AUTS2: variants seen among roughly 807,000 people sequenced by gnomAD.
The protein encoded by AUTS2 is autism susceptibility gene 2 protein.
Under a neutral mutation model 112.4 loss-of-function variants are expected in AUTS2, and 17 were observed. That is an observed-to-expected ratio of 0.15 (90% confidence interval 0.10 to 0.23). The LOEUF (loss-of-function observed/expected upper bound fraction) is 0.23. Among genes scored for constraint, AUTS2 ranks in the 10% least tolerant of loss-of-function variants. The pLI, the probability that AUTS2 is intolerant of heterozygous loss-of-function variation, is 1.00. For missense variants in AUTS2, 1,510 were observed against 1,701.6 expected (o/e 0.89, Z 1.98); for synonymous variants, 751 against 702.7 (o/e 1.07, Z -1.09).
At chr7:70,468,575 G>A (rs544420017) in intron 5 of AUTS2, among the ~76,000 whole-genome samples, 4 of 152,318 alleles carry the variant, frequency 2.6e-5, no homozygotes, top group African/African-American at 9.6e-5. Flanking sequence ...GGAGAAAGGT[G>A]GGACATCAGG....
intron 1 of AUTS2, among the ~76,000 whole-genome samples, chr7:69,874,470 G>T (rs1793639042): frequency 6.6e-6 from 1 of 152,160 alleles, no homozygotes. Flanking sequence ...GCACTTTGGA[G>T]ATGTCACAAT....
At chr7:70,442,551 C>T (rs930899005) in intron 5 of AUTS2, among the ~76,000 whole-genome samples, 4 of 152,104 alleles carry the variant, frequency 2.6e-5, no homozygotes, top group Non-Finnish European at 5.9e-5. Flanking sequence ...AGTGCAGTGG[C>T]GCAGTCTCGG....
At chr7:70,558,322 A>G (rs1801335659) in intron 5 of AUTS2, among the ~76,000 whole-genome samples, 2 of 152,152 alleles carry the variant, frequency 1.3e-5, no homozygotes, top group East Asian at 1.9e-4. Flanking sequence ...TGTTGTGGCA[A>G]GAAAAGACCA....
chr7:70,528,286 A>T lies in AUTS2; in HGVS notation c.690+92505A>T, dbSNP rs186446373. Among the ~76,000 whole-genome samples the T allele has an allele frequency of 7.6e-3, 1,147 of 151,806 alleles. 9 individuals carry two copies. Among genetic ancestry groups the T allele is most frequent in the African/African-American group, 0.025 (1,035 of 41,464 alleles). ...TCTGAAGAGAGAGAGAAATAAAAAAAAATAATAAAAAAAAAACCCAGGTAA... is the reference window on the plus strand; with the variant it reads ...TCTGAAGAGAGAGAGAAATAAAAAATAATAATAAAAAAAAAACCCAGGTAA... On this transcript the variant is annotated intron_variant, in intron 5 of 18. Transcript: ENST00000342771.
chr7:70,092,450 GTCCTGC>G (rs1162492854), intron 2 of AUTS2, among the ~76,000 whole-genome samples: 1 of 152,112 alleles, frequency 6.6e-6, no homozygotes, highest in Non-Finnish European at 1.5e-5. Flanking sequence ...TATACTGGAA[GTCCTGC>G]CAATACACTG....
intron 2 of AUTS2, among the ~76,000 whole-genome samples, chr7:69,912,613 G>A (rs145550466): frequency 4.1e-4 from 63 of 152,324 alleles, no homozygotes; most frequent in African/African-American, 1.3e-3. Flanking sequence ...TTTAAAAACC[G>A]TTTTCATGGT....
chr7:69,636,052 G>C (rs1057220791), intron 1 of AUTS2, among the ~76,000 whole-genome samples: 5 of 152,180 alleles, frequency 3.3e-5, no homozygotes, highest in Admixed American at 1.3e-4. Flanking sequence ...GAACACAAGG[G>C]CTCTCCCTTG....
Position 70,191,169 on chromosome 7 carries a change from T to C in AUTS2, c.660+56598T>C, listed in dbSNP as rs865882112. On this transcript the variant is annotated intron_variant, in intron 4 of 18. Transcript: ENST00000342771. ...ATGTCATCCACTTATTTCTTTTTTT[T>C]TTTTTTTTTTTTTTTTTGAGACAGA... Among the ~76,000 whole-genome samples the C allele has an allele frequency of 8.5e-3, 1,183 of 139,016 alleles. 45 individuals are homozygous for C. In the East Asian group the frequency reaches 0.12, roughly 14 times the overall value. 91.2% of individuals were successfully genotyped at this position (139,016 alleles called of 152,430 possible).
chr7:70,714,514 A>G (rs1055912770), intron 6 of AUTS2, among the ~76,000 whole-genome samples: 20 of 152,066 alleles, frequency 1.3e-4, no homozygotes, highest in African/African-American at 4.8e-4. Context: ...CCATGATCTC[A>G]TCTCCATGAT....
At chr7:70,687,665 G>A (rs1378578273) in intron 5 of AUTS2, among the ~76,000 whole-genome samples, 2 of 152,090 alleles carry the variant, frequency 1.3e-5, no homozygotes, top group African/African-American at 4.8e-5. Flanking sequence ...GTAGCAACAC[G>A]GGCATATAAT....
In AUTS2 at chr7:70,592,775, T is replaced by C. The variant is rs545308152; in HGVS notation, c.691-105794T>C. Among the ~76,000 whole-genome samples, 7 of 152,348 alleles carry C rather than the reference T, an allele frequency of 4.6e-5. No individual in the cohort carries two copies. In the South Asian group the frequency reaches 1.5e-3, roughly 32 times the overall value. The stretch of plus-strand genomic sequence containing the variant: ...TGCTTTGTATACAATAGGGGTGTCA[T>C]TAATGTTTGTTGAACATAAATGAAT... On this transcript the variant is annotated intron_variant, in intron 5 of 18. Coordinates refer to ENST00000342771, the MANE Select transcript of AUTS2 (RefSeq NM_015570.4).
At chr7:70,030,255 T>C (rs1800714277) in intron 2 of AUTS2, among the ~76,000 whole-genome samples, 1 of 152,202 alleles carries the variant, frequency 6.6e-6, no homozygotes, top group East Asian at 1.9e-4. Context: ...AATTGTACAA[T>C]GAATGTGATA....
intron 5 of AUTS2, among the ~76,000 whole-genome samples, chr7:70,652,103 T>C (rs955307330): frequency 6.6e-6 from 1 of 152,190 alleles, no homozygotes; most frequent in Non-Finnish European, 1.5e-5. Context: ...GAGCCATTTA[T>C]TTATGAGTGA....
At chr7:70,655,859 G>A (rs181794108) in intron 5 of AUTS2, among the ~76,000 whole-genome samples, 20 of 152,248 alleles carry the variant, frequency 1.3e-4, no homozygotes, top group Admixed American at 1.2e-3. Flanking sequence ...TGCTTTGACC[G>A]AGGAATCCCA....
intron 1 of AUTS2, among the ~76,000 whole-genome samples, chr7:69,826,568 C>T (rs1791255277): frequency 6.6e-6 from 1 of 152,156 alleles, no homozygotes; most frequent in Non-Finnish European, 1.5e-5. Flanking sequence ...TAATATTAAG[C>T]ATCTTGCCAT....
At chr7:70,723,243 G>T (rs554051618) in intron 6 of AUTS2, among the ~76,000 whole-genome samples, 26 of 152,076 alleles carry the variant, frequency 1.7e-4, no homozygotes, top group Middle Eastern at 3.4e-3. Flanking sequence ...TAACTTTTTC[G>T]GTTTTGTTTG....
In AUTS2 at chr7:70,279,577, C is replaced by T. The variant is rs534518707; in HGVS notation, c.660+145006C>T. On this transcript the variant is annotated intron_variant, in intron 4 of 18. Transcript: ENST00000342771. ...CGTTGCCCAGAAAGGAATCAGCCTT[C>T]GGTGTGACAGGAAATGGAGTTTATT... Among the ~76,000 whole-genome samples, 27 of 152,280 alleles carry T rather than the reference C, an allele frequency of 1.8e-4. No homozygotes were observed. The South Asian group carries it at 5.6e-3, about 32-fold the overall frequency.
intron 1 of AUTS2, among the ~76,000 whole-genome samples, chr7:69,738,232 T>G (rs1047896547): frequency 6.6e-6 from 1 of 152,040 alleles, no homozygotes; most frequent in Non-Finnish European, 1.5e-5. Context: ...TGGATCCATT[T>G]TTTTTTTCCT....
chr7:70,778,325 A>G (rs891855618), intron 14 of AUTS2, among the ~76,000 whole-genome samples: 13 of 152,210 alleles, frequency 8.5e-5, no homozygotes, highest in African/African-American at 3.1e-4. Context: ...CACTTAATCC[A>G]TTTCTTCATG....
Sources: gnomAD v4.1 joint callset for allele counts (sites outside exome capture counted in the v4.1 genomes callset) on GRCh38, gnomAD v4.1.1 for gene constraint, MANE v1.5 for transcripts, NCBI Gene and HGNC (gene_info 2026-07-23, HGNC 2026-07-21) for gene names.